Variants in JHY observed in about 807,000 individuals in gnomAD.
JHY encodes the protein junctional cadherin complex regulator, also known as jhy protein homolog.
In JHY, 69 loss-of-function variants were observed where a neutral mutation model predicts 78.0. That is an observed-to-expected ratio of 0.88 (90% CI 0.73 to 1.08). The LOEUF (loss-of-function observed/expected upper bound fraction) is 1.08, where lower values mean the gene tolerates loss of function less well. Ranked by LOEUF, JHY falls within the 50% of genes least tolerant of loss-of-function variation. The pLI is 0.00. For synonymous variants in JHY, 368 were observed against 342.6 expected (o/e 1.07, Z -0.82); for missense variants, 944 against 927.8 (o/e 1.02, Z -0.23).
intron 5 of JHY, among the ~76,000 whole-genome samples, chr11:122,940,153 C>A (rs1863843756): frequency 6.6e-6 from 1 of 151,920 alleles, no homozygotes; most frequent in African/African-American, 2.4e-5. Context: ...GCCTGGCCAA[C>A]ATGGTGAAAC....
intron 3 of JHY, among the ~76,000 whole-genome samples, chr11:122,914,255 C>T (rs1863189229): frequency 1.3e-5 from 2 of 152,070 alleles, no homozygotes; most frequent in African/African-American, 2.4e-5. Flanking sequence ...AGGTTGCCAC[C>T]TAAAGGATAT....
In JHY at chr11:122,882,802, G is replaced by T. The variant is rs533662167; in HGVS notation, c.-260G>T. The T allele has an allele frequency of 3.3e-5, 5 of 153,138 alleles. No individual in the cohort carries two copies. Among genetic ancestry groups the T allele is most frequent in the African/African-American group, 1.2e-4 (5 of 41,568 alleles). The allele number at this position is 153,138 out of a possible 1,614,324, so 9.5% of individuals were successfully genotyped here. A position where few individuals can be genotyped will look rare whatever the true frequency, so the allele number is the denominator to read the frequency against. ...CGTGCCAGGGCCGGGGGTGCGGTTC[G>T]GGACGCGGGATCCTAGGTCGGGTCC... On this transcript the variant is annotated 5_prime_UTR_variant, in exon 1 of 9. Transcript: ENST00000227349.
chr11:122,949,945 T>A (rs1157127993), intron 6 of JHY, among the ~76,000 whole-genome samples: 2 of 151,674 alleles, frequency 1.3e-5, no homozygotes, highest in East Asian at 3.9e-4. Context: ...CAAGTGATTC[T>A]CCTGCCTCAG....
At chr11:122,899,514 ATATT>A (rs1276311923) in intron 2 of JHY, among the ~76,000 whole-genome samples, 2 of 152,162 alleles carry the variant, frequency 1.3e-5, no homozygotes, top group Non-Finnish European at 2.9e-5. Context: ...TTAAAAATAA[ATATT>A]TATGCTGTAT....
chr11:122,910,069 G>A (rs986531610), intron 3 of JHY, among the ~76,000 whole-genome samples: 4 of 151,806 alleles, frequency 2.6e-5, no homozygotes, highest in South Asian at 2.1e-4. Context: ...ACATCCATAC[G>A]GTAGAGTACA....
intron 3 of JHY, chr11:122,905,231 A>G: frequency 6.2e-7 from 1 of 1,614,040 alleles, no homozygotes; most frequent in Non-Finnish European, 8.5e-7. Flanking sequence ...GGAGCCAGTA[A>G]ACTTAGTTCC....
chr11:122,921,345 C>A (rs1286310081), intron 3 of JHY, among the ~76,000 whole-genome samples: 1 of 152,184 alleles, frequency 6.6e-6, no homozygotes, highest in Non-Finnish European at 1.5e-5. Context: ...TAGACACTTA[C>A]AAAAGTCAGG....
chr11:122,936,424 G>T (rs957300122), intron 5 of JHY, among the ~76,000 whole-genome samples: 1 of 150,156 alleles, frequency 6.7e-6, no homozygotes, highest in South Asian at 2.1e-4. Context: ...AGGCATCTTT[G>T]TCTTTTTTTT....
rs1864258004 is a variant in JHY, at chr11:122,959,311, A to G, written c.2203A>G (p.Lys735Glu). Residue 735 changes from lysine (K) to glutamate (E), a missense_variant, in exon 9 of 9, where the codon AAG (lysine) becomes GAG (glutamate). Physicochemically the swap from Lys to Glu is moderately conservative, Grantham distance 56. Coordinates refer to ENST00000227349, the MANE Select transcript of JHY (RefSeq NM_024806.4). ...ATCAAATCTGACTCATCAAGCATCAAAGGAACAAAAAAATCCAACCTATGC... is the reference window on the plus strand; with the variant it reads ...ATCAAATCTGACTCATCAAGCATCAGAGGAACAAAAAAATCCAACCTATGC... ...KPSNLTHQASKEQKNPTYAGK... is the reference protein window; with the variant it reads ...KPSNLTHQASEEQKNPTYAGK... 7.4e-6 allele frequency: 12 copies of G among 1,614,198 alleles called. 1 individual carries two copies. In the South Asian group the frequency reaches 1.1e-4, roughly 15 times the overall value.
At chr11:122,928,895 G>A (rs549661546) in intron 4 of JHY, among the ~76,000 whole-genome samples, 315 of 152,124 alleles carry the variant, frequency 2.1e-3, no homozygotes, top group Non-Finnish European at 3.3e-3. Context: ...TGATCCGCCC[G>A]CCTCGGCCTC....
intron 4 of JHY, among the ~76,000 whole-genome samples, chr11:122,927,541 A>C (rs1863533711): frequency 6.6e-6 from 1 of 151,948 alleles, no homozygotes; most frequent in South Asian, 2.1e-4. Flanking sequence ...CAACTACCCA[A>C]GTCCAATGCC....
At position 122,904,245 on chromosome 11, in the gene JHY, C is replaced by T. The variant is rs199719433; in HGVS notation, c.665C>T (p.Ser222Leu). 5.0e-5 allele frequency: 80 copies of T among 1,613,980 alleles called. No individual in the cohort carries two copies. Among genetic ancestry groups the T allele is most frequent in the Non-Finnish European group, 4.9e-5 (58 of 1,180,022 alleles). ...ELSDSDLEEK[S>L]SSLSPYVKSS... is the part of the protein sequence containing the mutation. Reference sequence around the variant, plus strand: ...AGCGACAGTGACCTGGAGGAGAAGTCGAGCAGCCTTTCTCCGTACGTGAAG... The same window carrying T: ...AGCGACAGTGACCTGGAGGAGAAGTTGAGCAGCCTTTCTCCGTACGTGAAG... Residue 222 changes from serine to leucine, a missense_variant, in exon 3 of 9, where the codon TCG becomes TTG. Physicochemically the swap from Ser to Leu is moderately radical, Grantham distance 145. Transcript: ENST00000227349.
rs1820187499 is a variant in JHY, at chr11:122,962,289, G to C, written c.*2844G>C. On this transcript the variant is annotated 3_prime_UTR_variant, in exon 9 of 9. Transcript: ENST00000227349. ...AAATCTGTTTATCTATACGTGTGGTGTAAGGACTAGCTTTGGAAATGTACT... is the reference window on the plus strand; with the variant it reads ...AAATCTGTTTATCTATACGTGTGGTCTAAGGACTAGCTTTGGAAATGTACT... 7.8e-6 allele frequency among the ~76,000 whole-genome samples: 1 copy of C among 128,714 alleles called. No homozygotes were observed. Among genetic ancestry groups the C allele is most frequent in the African/African-American group, 2.7e-5 (1 of 36,936 alleles). 84.4% of individuals were successfully genotyped at this position (128,714 alleles called of 152,430 possible).
chr11:122,935,525 G>A lies in JHY; in HGVS notation c.1634+450G>A, dbSNP rs751703234. On this transcript the variant is annotated intron_variant, in intron 5 of 8. Transcript: ENST00000227349. This position sits in a 1 kb window ranked among gnomAD's most constrained non-coding sequence, Gnocchi z 4.5. ...GCTGAGATTACAGGTGTGAGCCACC[G>A]CACCCGGCCAAGAGTCTACTTTTGA... is the stretch of plus-strand genomic sequence containing the variant. Among the ~76,000 whole-genome samples, 15 of 152,186 alleles carry A rather than the reference G, an allele frequency of 9.9e-5. No homozygotes were observed. The highest frequency in any genetic ancestry group is 7.7e-4 in the East Asian group (4 of 5,182).
Position 122,960,662 on chromosome 11 carries a change from C to G in JHY, c.*1217C>G, listed in dbSNP as rs1864294064. 3 of 372,642 alleles carry G rather than the reference C, an allele frequency of 8.1e-6. No individual in the cohort carries two copies. The highest frequency in any genetic ancestry group is 7.9e-5 in the South Asian group (3 of 37,938). 23.1% of individuals were successfully genotyped at this position (372,642 alleles called of 1,614,324 possible). A position where few individuals can be genotyped will look rare whatever the true frequency, so the allele number is the denominator to read the frequency against. On this transcript the variant is annotated 3_prime_UTR_variant, in exon 9 of 9. Transcript: ENST00000227349. Reference sequence around the variant, plus strand: ...CTATATCAATAGTAGGGTTACTTGTCTATGTAATTTAAAAATATGGTGCCT... The same window carrying G: ...CTATATCAATAGTAGGGTTACTTGTGTATGTAATTTAAAAATATGGTGCCT...
intron 5 of JHY, among the ~76,000 whole-genome samples, chr11:122,943,514 CTGTT>C (rs1863912751): frequency 6.6e-6 from 1 of 152,124 alleles, no homozygotes; most frequent in African/African-American, 2.4e-5. Flanking sequence ...TTAGGTTTCT[CTGTT>C]TGATATATCA....
At chr11:122,932,997 A>G (rs1222849266) in intron 4 of JHY, among the ~76,000 whole-genome samples, 2 of 152,208 alleles carry the variant, frequency 1.3e-5, no homozygotes, top group Non-Finnish European at 2.9e-5. Context: ...TCAAATTAGA[A>G]GTCGTTATTT....
chr11:122,938,864 C>T (rs1206282239), intron 5 of JHY, among the ~76,000 whole-genome samples: 2 of 151,924 alleles, frequency 1.3e-5, no homozygotes, highest in African/African-American at 4.8e-5. Flanking sequence ...TGGTGCTTCA[C>T]AGGCAGAAGA....
intron 1 of JHY, among the ~76,000 whole-genome samples, chr11:122,884,703 C>T (rs1009319233): frequency 1.3e-5 from 2 of 152,214 alleles, no homozygotes; most frequent in African/African-American, 4.8e-5. Context: ...ACTCAACTTT[C>T]CCCAGGATAG....
Sources: allele counts gnomAD v4.1 joint callset (sites outside exome capture counted in the v4.1 genomes callset), GRCh38; gene constraint gnomAD v4.1.1; non-coding constraint Gnocchi (gnomAD v3.1); transcripts MANE v1.5; gene names NCBI Gene and HGNC (gene_info 2026-07-23, HGNC 2026-07-21).